Variants in MAP2K5 observed in about 807,000 individuals in gnomAD.
The protein encoded by MAP2K5 is mitogen-activated protein kinase kinase 5.
Under a neutral mutation model 83.1 loss-of-function variants are expected in MAP2K5, and 49 were observed. The ratio of observed to expected loss-of-function variants is 0.59; its 90% CI spans 0.47 to 0.75. The LOEUF is 0.75. MAP2K5 is among the 30% of genes least tolerant of loss of function. MAP2K5 has a pLI of 0.00. For missense variants in MAP2K5, 457 were observed against 557.5 expected, an observed-to-expected ratio of 0.82 and a Z score of 1.82; for synonymous variants, 202 against 191.8, an observed-to-expected ratio of 1.05 and a Z score of -0.44.
intron 9 of MAP2K5, 44 bp downstream of exon 9, chr15:67,630,971 T>G: frequency 6.9e-7 from 1 of 1,440,456 alleles, no homozygotes; most frequent in African/African-American, 1.4e-5. Context: ...TGTTCACCTC[T>G]TTCCTTTCCT....
chr15:67,605,093 G>A (rs952024975), intron 8 of MAP2K5, among the ~76,000 whole-genome samples: 5 of 145,958 alleles, frequency 3.4e-5, no homozygotes, highest in Admixed American at 1.4e-4. Context: ...TCGCTCTGTC[G>A]CCAGGCTGGA....
intron 12 of MAP2K5, 95 bp from the exon 13 acceptor site, chr15:67,664,502 C>CAA (rs878962506): frequency 5.4e-4 from 332 of 611,652 alleles, no homozygotes; most frequent in African/African-American, 3.1e-3. Flanking sequence ...CACCCTGTCT[C>CAA]AAAAAAAAAA....
chr15:67,578,631 T>C (rs2085112988), intron 3 of MAP2K5, among the ~76,000 whole-genome samples: 1 of 152,024 alleles, frequency 6.6e-6, no homozygotes, highest in Non-Finnish European at 1.5e-5. Flanking sequence ...TTACTGTGAC[T>C]GTGTTAGTCG....
At position 67,738,533 on chromosome 15, in the gene MAP2K5, AC is replaced by A. The variant is rs2089396961; in HGVS notation, c.1075-9696del. On this transcript the variant is annotated intron_variant, in intron 17 of 21. Coordinates refer to ENST00000178640, the MANE Select transcript of MAP2K5 (RefSeq NM_145160.3). This position sits in a 1 kb window ranked among gnomAD's most constrained non-coding sequence, Gnocchi z 4.1. ...CTACCCAAACATACGCACAGAGCTAACCTGAGTTCTGGTCTTGGCTTTTCTT... is the reference window on the plus strand; with the variant it reads ...CTACCCAAACATACGCACAGAGCTAACTGAGTTCTGGTCTTGGCTTTTCTT... Among the ~76,000 whole-genome samples, 1 of 152,204 alleles carries A rather than the reference AC, an allele frequency of 6.6e-6. No individual in the cohort carries two copies. Among genetic ancestry groups the A allele is most frequent in the Admixed American group, 6.5e-5 (1 of 15,288 alleles).
intron 14 of MAP2K5, 139 bp downstream of exon 14, chr15:67,692,691 T>A: frequency 1.6e-6 from 1 of 620,906 alleles, no homozygotes; most frequent in Non-Finnish European, 2.9e-6. Context: ...GGGAGTGTGT[T>A]ATTCATTTTT....
At chr15:67,700,241 C>G (rs1182763799) in intron 15 of MAP2K5, among the ~76,000 whole-genome samples, 1 of 152,102 alleles carries the variant, frequency 6.6e-6, no homozygotes, top group Non-Finnish European at 1.5e-5. Flanking sequence ...AGTGTGGGTG[C>G]CAGAAGGACT....
chr15:67,783,382 C>T lies in MAP2K5; in HGVS notation c.1242+10630C>T, dbSNP rs114455172. Among the ~76,000 whole-genome samples the T allele has an allele frequency of 2.2e-3, 330 of 152,276 alleles. No homozygotes were observed. The highest frequency in any genetic ancestry group is 0.01 in the Middle Eastern group (3 of 294). ...CCTGTGCTCCAAACTTCTGGCAGTC[C>T]CCAGATGCGTGAGGCATCCTCACAC... On this transcript the variant is annotated intron_variant, in intron 21 of 21. Transcript: ENST00000178640. The surrounding 1 kb of genome is among the most constrained non-coding windows in gnomAD (Gnocchi z 5.1).
chr15:67,716,950 A>T (rs183589144), intron 16 of MAP2K5, among the ~76,000 whole-genome samples: 1 of 152,350 alleles, frequency 6.6e-6, no homozygotes, highest in East Asian at 1.9e-4. Flanking sequence ...CCATTTTGCA[A>T]ATGAGGAAAC....
chr15:67,766,093 G>A (rs945906306), intron 19 of MAP2K5, among the ~76,000 whole-genome samples: 1 of 152,146 alleles, frequency 6.6e-6, no homozygotes, highest in African/African-American at 2.4e-5. Context: ...AAACCTCTGA[G>A]GCTTGGAAAC....
At chr15:67,606,453 G>A (rs1187244922) in intron 8 of MAP2K5, among the ~76,000 whole-genome samples, 2 of 152,190 alleles carry the variant, frequency 1.3e-5, no homozygotes, top group African/African-American at 4.8e-5. Flanking sequence ...TGTTTTGAAG[G>A]TTGAATGTAT....
At chr15:67,745,366 AT>A (rs1387112880) in intron 17 of MAP2K5, among the ~76,000 whole-genome samples, 1 of 152,248 alleles carries the variant, frequency 6.6e-6, no homozygotes, top group Non-Finnish European at 1.5e-5. Context: ...CAAAGCCAAC[AT>A]TTTATATTGA....
Position 67,748,732 on chromosome 15 carries a change from A to G in MAP2K5, c.1134+131A>G, listed in dbSNP as rs8037011. ...AAGTTGTGTTGTATGGCTCTGAGCT[A>G]TGTTACGTGAACTGGCCTTGTCCTG... On this transcript the variant is annotated intron_variant, in intron 19 of 21. Coordinates refer to ENST00000178640, the MANE Select transcript of MAP2K5 (RefSeq NM_145160.3). The surrounding 1 kb of genome is among the most constrained non-coding windows in gnomAD (Gnocchi z 4.0). 763,164 of 767,854 alleles carry G rather than the reference A, an allele frequency of 0.99. 379,395 individuals carry two copies. Among genetic ancestry groups the G allele is most frequent in the East Asian group, 1 (37,823 of 37,824 alleles). The allele number at this position is 767,854 out of a possible 1,614,324, so 47.6% of individuals were successfully genotyped here.
chr15:67,767,951 C>T (rs1336481314), intron 19 of MAP2K5, among the ~76,000 whole-genome samples: 1 of 152,162 alleles, frequency 6.6e-6, no homozygotes, highest in Non-Finnish European at 1.5e-5. Context: ...GAATTGCTAA[C>T]CATCCCTTCT....
chr15:67,624,295 C>T (rs975584117), intron 8 of MAP2K5, among the ~76,000 whole-genome samples: 4 of 143,030 alleles, frequency 2.8e-5, no homozygotes, highest in Non-Finnish European at 4.5e-5. Context: ...GCCGAGATCG[C>T]GCTGCTGCAC....
At chr15:67,691,423 T>C (rs1216925935) in intron 13 of MAP2K5, among the ~76,000 whole-genome samples, 3 of 152,234 alleles carry the variant, frequency 2.0e-5, no homozygotes, top group Non-Finnish European at 2.9e-5. Context: ...ATTAAGTATC[T>C]ACTCTTGGCA....
chr15:67,615,274 A>G (rs1462941753), intron 8 of MAP2K5, among the ~76,000 whole-genome samples: 3 of 152,218 alleles, frequency 2.0e-5, no homozygotes, highest in African/African-American at 7.2e-5. Context: ...CTGGAATTAT[A>G]GGTGTGAGCC....
chr15:67,670,453 T>A (rs1195021783), intron 13 of MAP2K5: 1 of 455,792 alleles, frequency 2.2e-6, no homozygotes, highest in Admixed American at 2.4e-5. Flanking sequence ...AAAGGGTGAG[T>A]GAATTTTACT....
rs867717770 is a variant in MAP2K5, at chr15:67,790,640, C to T, written c.1243-16006C>T. 6.6e-6 allele frequency among the ~76,000 whole-genome samples: 1 copy of T among 151,826 alleles called. No homozygotes were observed. The highest frequency in any genetic ancestry group is 1.5e-5 in the Non-Finnish European group (1 of 68,002). ...TGAGGCTCAGAGGAGGGGCTGCTTA[C>T]TGAGTGGTGAGGGTCTTTAAGATGT... On this transcript the variant is annotated intron_variant, in intron 21 of 21. Coordinates refer to ENST00000178640, the MANE Select transcript of MAP2K5 (RefSeq NM_145160.3). The surrounding 1 kb of genome is among the most constrained non-coding windows in gnomAD (Gnocchi z 4.6).
chr15:67,671,062 G>A (rs1216012375), intron 13 of MAP2K5, among the ~76,000 whole-genome samples: 1 of 152,186 alleles, frequency 6.6e-6, no homozygotes, highest in Non-Finnish European at 1.5e-5. Context: ...CCCCAGAAAG[G>A]CAGATCACTC....
Sources: allele counts gnomAD v4.1 joint callset (sites outside exome capture counted in the v4.1 genomes callset), GRCh38; gene constraint gnomAD v4.1.1; non-coding constraint Gnocchi (gnomAD v3.1); transcripts MANE v1.5; gene names NCBI Gene and HGNC (gene_info 2026-07-23, HGNC 2026-07-21).